EIF4G3: variants seen among roughly 807,000 people sequenced by gnomAD.
The protein encoded by EIF4G3 is eukaryotic translation initiation factor 4 gamma 3, also known as eIF-4-gamma 3.
In EIF4G3, 34 loss-of-function variants were observed where a neutral mutation model predicts 186.4. The observed-to-expected ratio is 0.18, with a 90% CI of 0.14 to 0.24. The LOEUF is 0.24. Among genes scored for constraint, EIF4G3 ranks in the 10% least tolerant of loss-of-function variants. EIF4G3 has a pLI of 1.00. For missense variants in EIF4G3, 1,536 were observed against 1,948.5 expected (o/e 0.79, Z 3.99); for synonymous variants, 673 against 679.5 (o/e 0.99, Z 0.15).
At chr1:20,968,171 A>C (rs1016910047) in intron 12 of EIF4G3, among the ~76,000 whole-genome samples, 4 of 151,654 alleles carry the variant, frequency 2.6e-5, no homozygotes, top group Admixed American at 6.6e-5. Flanking sequence ...AATGAAATAC[A>C]AATCTTTTTT....
chr1:20,962,919 GT>G (rs200757094), intron 12 of EIF4G3, among the ~76,000 whole-genome samples: 55 of 123,808 alleles, frequency 4.4e-4, no homozygotes, highest in Non-Finnish European at 5.3e-4. Flanking sequence ...TTTTTTTTTT[GT>G]TTTTTTTTTT....
chr1:20,829,327 TTAAA>T (rs2064480378), intron 30 of EIF4G3, 55 bp from the exon 31 acceptor site: 2 of 1,589,796 alleles, frequency 1.3e-6, no homozygotes, highest in African/African-American at 1.4e-5. Flanking sequence ...AAAGTTAAAA[TTAAA>T]TAAAGAGATA....
intron 29 of EIF4G3, among the ~76,000 whole-genome samples, chr1:20,847,439 T>C (rs1482522820): frequency 6.6e-6 from 1 of 152,186 alleles, no homozygotes; most frequent in Non-Finnish European, 1.5e-5. Flanking sequence ...TTGTACTCTT[T>C]AGGTGTTACT....
rs115634206 is a variant in EIF4G3 at position 20,819,946 on chromosome 1, G to A, written c.4369-2408C>T. ...GAGAGACTGGAGACAGAAAGAAAGA[G>A]AGAGAGACAGAGAGAGAGATACTAT... On this transcript the variant is annotated intron_variant, in intron 33 of 36. Transcript: ENST00000602326. 5.6e-3 allele frequency among the ~76,000 whole-genome samples: 850 copies of A among 152,218 alleles called. 12 individuals carry two copies. The highest frequency in any genetic ancestry group is 0.02 in the African/African-American group (814 of 41,542).
intron 2 of EIF4G3, among the ~76,000 whole-genome samples, chr1:21,174,208 C>G (rs2873424): frequency 1.3e-5 from 2 of 151,978 alleles, no homozygotes; most frequent in South Asian, 4.1e-4. Context: ...TACACTGGAA[C>G]TTACACTTAA....
At chr1:21,141,391 G>GTGTGTGTT (rs1351499299) in intron 2 of EIF4G3, among the ~76,000 whole-genome samples, 1 of 148,494 alleles carries the variant, frequency 6.7e-6, no homozygotes, top group Non-Finnish European at 1.5e-5. Context: ...GTGTGTGTGT[G>GTGTGTGTT]TGTGTGTATG....
intron 33 of EIF4G3, among the ~76,000 whole-genome samples, chr1:20,822,000 C>T (rs1030248137): frequency 1.3e-5 from 2 of 151,940 alleles, no homozygotes; most frequent in Non-Finnish European, 2.9e-5. Context: ...GCCTCAGCCT[C>T]CTGAGTAGCT....
At chr1:20,833,103 T>C (rs2065780276) in intron 30 of EIF4G3, among the ~76,000 whole-genome samples, 2 of 115,924 alleles carry the variant, frequency 1.7e-5, no homozygotes, top group African/African-American at 6.6e-5. Context: ...GGCTCTTTTT[T>C]GGTTCCATAT....
intron 14 of EIF4G3, among the ~76,000 whole-genome samples, chr1:20,928,550 G>C (rs2095088795): frequency 6.6e-6 from 1 of 151,760 alleles, no homozygotes; most frequent in African/African-American, 2.4e-5. Flanking sequence ...CTATAGGCGT[G>C]CACCACCATG....
At chr1:21,150,997 T>G (rs1000071331) in intron 2 of EIF4G3, among the ~76,000 whole-genome samples, 3 of 151,924 alleles carry the variant, frequency 2.0e-5, no homozygotes, top group Admixed American at 6.6e-5. Context: ...ATAAATAAAG[T>G]GATTAAACAA....
At chr1:21,038,760 T>C (rs2093386808) in intron 4 of EIF4G3, among the ~76,000 whole-genome samples, 1 of 151,974 alleles carries the variant, frequency 6.6e-6, no homozygotes, top group African/African-American at 2.4e-5. Flanking sequence ...CTTGGGAGTG[T>C]CTATAAAAGT....
At chr1:21,141,213 A>C (rs2097331086) in intron 2 of EIF4G3, among the ~76,000 whole-genome samples, 1 of 152,162 alleles carries the variant, frequency 6.6e-6, no homozygotes. Flanking sequence ...AAGAGGTGTC[A>C]ACCAACTCCA....
intron 2 of EIF4G3, among the ~76,000 whole-genome samples, chr1:21,139,330 C>T (rs1205590532): frequency 1.3e-5 from 2 of 152,082 alleles, no homozygotes; most frequent in Non-Finnish European, 2.9e-5. Context: ...TGGCTCACAC[C>T]TGTAATCCCA....
chr1:20,826,062 G>C (rs994604614), intron 32 of EIF4G3, among the ~76,000 whole-genome samples: 3 of 152,108 alleles, frequency 2.0e-5, no homozygotes, highest in African/African-American at 7.2e-5. Flanking sequence ...ATTTGAACTC[G>C]GCCATCTGGC....
intron 2 of EIF4G3, among the ~76,000 whole-genome samples, chr1:21,143,416 TA>T (rs2102689283): frequency 6.6e-6 from 1 of 152,018 alleles, no homozygotes; most frequent in East Asian, 1.9e-4. Flanking sequence ...AAAGGATAAC[TA>T]AGAAAGAATA....
In EIF4G3 at chr1:20,807,825, C is replaced by T. The variant is rs112701004; in HGVS notation, c.4745-325G>A. Among the ~76,000 whole-genome samples, 971 of 123,250 alleles carry T rather than the reference C, an allele frequency of 7.9e-3. 17 individuals are homozygous for T. Among genetic ancestry groups the T allele is most frequent in the Admixed American group, 0.047 (426 of 9,154 alleles). The allele number at this position is 123,250 out of a possible 152,430, so 80.9% of individuals were successfully genotyped here. On this transcript the variant is annotated intron_variant, in intron 36 of 36. Transcript: ENST00000602326. Reference sequence around the variant, plus strand: ...GTCCCCAGGCTGGAGTGCAGTGGTGCGATCTTGGCTCACTGCAACCTCTAC... The same window carrying T: ...GTCCCCAGGCTGGAGTGCAGTGGTGTGATCTTGGCTCACTGCAACCTCTAC...
chr1:20,918,407 T>A (rs1194319738), intron 14 of EIF4G3, among the ~76,000 whole-genome samples: 2 of 152,012 alleles, frequency 1.3e-5, no homozygotes, highest in Non-Finnish European at 2.9e-5. Flanking sequence ...TGGGTCTCCC[T>A]ATGTTGCCTA....
rs72652922 is a variant in EIF4G3 at position 20,840,398 on chromosome 1, G to A, written c.4061+458C>T. 4.1e-3 allele frequency among the ~76,000 whole-genome samples: 628 copies of A among 152,346 alleles called. 2 individuals carry two copies. The highest frequency in any genetic ancestry group is 0.01 in the Middle Eastern group (3 of 294). On this transcript the variant is annotated intron_variant, in intron 30 of 36. Coordinates refer to ENST00000602326, the MANE Select transcript of EIF4G3 (RefSeq NM_001391906.1). Reference sequence around the variant, plus strand: ...CACCAAGTTACATAACCTTCTCCATGAGGCTAGAGTGGGCACACAAGTGCT... The same window carrying A: ...CACCAAGTTACATAACCTTCTCCATAAGGCTAGAGTGGGCACACAAGTGCT...
rs757124303 is a variant in EIF4G3, at chr1:20,864,702, C to T, written c.2780G>A (p.Arg927Lys). The T allele has an allele frequency of 3.1e-6, 5 of 1,613,902 alleles. No homozygotes were observed. The South Asian group carries it at 5.5e-5, about 18-fold the overall frequency. Reference sequence around the variant, plus strand: ...TTCCAGTTCATCATGAAGCCTTGTCCTCTCCTCTGGCTGTTGTGTAAGGAG... The same window carrying T: ...TTCCAGTTCATCATGAAGCCTTGTCTTCTCCTCTGGCTGTTGTGTAAGGAG... ...ELEAASAPEE[R>K]TRLHDELEEA... The change falls in exon 22 of 37, where the codon AGG becomes AAG. Residue 927 changes from arginine (R) to lysine (K), a missense_variant. Physicochemically the swap from Arg to Lys is conservative, Grantham distance 26 (BLOSUM62 2). This residue lies in a region of EIF4G3 where 77 missense variants were observed against 131.6 expected (regional missense o/e 0.59). Transcript: ENST00000602326.
Sources: gnomAD v4.1 joint callset for allele counts (sites outside exome capture counted in the v4.1 genomes callset) on GRCh38, gnomAD v4.1.1 for gene constraint, gnomAD v4.1.1 regional missense constraint, MANE v1.5 for transcripts, NCBI Gene and HGNC (gene_info 2026-07-23, HGNC 2026-07-21) for gene names.